Variants in ARHGAP6 observed in about 807,000 individuals in gnomAD.
ARHGAP6 encodes the protein rho GTPase-activating protein 6.
ARHGAP6 carries 16 observed loss-of-function variants against 55.7 expected under a neutral mutation model. That is an observed-to-expected ratio of 0.29 (90% CI 0.19 to 0.44). The LOEUF is 0.44. Among genes scored for constraint, ARHGAP6 ranks in the 20% least tolerant of loss-of-function variants. The pLI, the probability that ARHGAP6 is intolerant of heterozygous loss-of-function variation, is 1.00. For missense variants in ARHGAP6, 698 were observed against 808.9 expected (o/e 0.86, Z 1.66); for synonymous variants, 382 against 360.9 (o/e 1.06, Z -0.66).
At chrX:11,363,217 A>C (rs2049034243) in intron 1 of ARHGAP6, among the ~76,000 whole-genome samples, 1 of 111,935 alleles carries the variant, frequency 8.9e-6, no homozygotes, top group South Asian at 3.7e-4. Flanking sequence ...TAGAGTCAGC[A>C]CCCAGATGGT....
rs559722754 is a variant in ARHGAP6 at position 11,199,927 on chromosome X, C to T, written c.749-2931G>A. Among the ~76,000 whole-genome samples, 79 of 112,410 alleles carry T rather than the reference C, an allele frequency of 7.0e-4. No individual in the cohort carries two copies. In the South Asian group the frequency reaches 0.029, roughly 41 times the overall value. The stretch of plus-strand genomic sequence containing the variant: ...AGATGCACAATGCAACTGCTTATTC[C>T]TCTTCTCCTTTGTGATTAATCTGTG... On this transcript the variant is annotated intron_variant, in intron 2 of 12. Coordinates refer to ENST00000337414, the MANE Select transcript of ARHGAP6 (RefSeq NM_013427.3).
intron 2 of ARHGAP6, among the ~76,000 whole-genome samples, chrX:11,213,407 C>T (rs1349322570): frequency 1.8e-5 from 2 of 112,620 alleles, no homozygotes; most frequent in Non-Finnish European, 1.9e-5. Context: ...TGGGTATCTA[C>T]CCAAAGGAAA....
intron 1 of ARHGAP6, among the ~76,000 whole-genome samples, chrX:11,515,466 A>G (rs898504639): frequency 5.4e-5 from 6 of 111,277 alleles, no homozygotes; most frequent in African/African-American, 2.0e-4. Flanking sequence ...TATACATTAT[A>G]TACTTACTGG....
At chrX:11,218,814 T>C (rs1602892222) in intron 2 of ARHGAP6, among the ~76,000 whole-genome samples, 1 of 111,711 alleles carries the variant, frequency 9.0e-6, no homozygotes, top group East Asian at 2.8e-4. Flanking sequence ...TGATATCCCC[T>C]TGATCATTTT....
chrX:11,357,400 T>C (rs2048944819), intron 1 of ARHGAP6, among the ~76,000 whole-genome samples: 1 of 111,738 alleles, frequency 8.9e-6, no homozygotes, highest in South Asian at 3.8e-4. Flanking sequence ...TCCTGATTCA[T>C]GGAGATTCCT....
chrX:11,261,146 C>T (rs1443194967), intron 1 of ARHGAP6, among the ~76,000 whole-genome samples: 1 of 111,707 alleles, frequency 9.0e-6, no homozygotes, highest in Non-Finnish European at 1.9e-5. Flanking sequence ...ATTCTGGATT[C>T]GAATAAACCA....
chrX:11,635,530 C>T (rs1415747691), intron 1 of ARHGAP6, among the ~76,000 whole-genome samples: 1 of 111,353 alleles, frequency 9.0e-6, no homozygotes, highest in Non-Finnish European at 1.9e-5. Flanking sequence ...ATGATCCTTT[C>T]TATGATAAAG....
chrX:11,497,007 T>G (rs185061300), intron 1 of ARHGAP6, among the ~76,000 whole-genome samples: 1 of 111,859 alleles, frequency 8.9e-6, no homozygotes, highest in African/African-American at 3.2e-5. Context: ...TTTGAAATTC[T>G]GTTTATTTTC....
At chrX:11,368,845 C>T (rs1294048805) in intron 1 of ARHGAP6, among the ~76,000 whole-genome samples, 2 of 111,579 alleles carry the variant, frequency 1.8e-5, no homozygotes, top group African/African-American at 6.5e-5. Flanking sequence ...CTAATTGTCA[C>T]CCTTTTAAAT....
At chrX:11,509,338 G>A (rs1043685727) in intron 1 of ARHGAP6, among the ~76,000 whole-genome samples, 1 of 111,911 alleles carries the variant, frequency 8.9e-6, no homozygotes, top group Non-Finnish European at 1.9e-5. Context: ...GGATAGCTAG[G>A]GAGCTGAAAA....
At chrX:11,287,492 A>C (rs989426949) in intron 1 of ARHGAP6, among the ~76,000 whole-genome samples, 1 of 111,792 alleles carries the variant, frequency 8.9e-6, no homozygotes. Context: ...GAGCTTCCAG[A>C]CGAACTTTCT....
rs865851646 is a variant in ARHGAP6 at position 11,138,458 on chromosome X, A to T, written c.*405T>A. 4.1e-3 allele frequency: 555 copies of T among 136,674 alleles called. 1 individual carries two copies. The highest frequency in any genetic ancestry group is 0.015 in the African/African-American group (454 of 31,298). The allele number at this position is 136,674 out of a possible 1,213,427, so 11.3% of individuals were successfully genotyped here. ...ATATAAGTGAAGTGATTTTTTTTTT[A>T]AAAGTTCCTTTTGTTTTCTCTTTGT... is the stretch of plus-strand genomic sequence containing the variant. On this transcript the variant is annotated 3_prime_UTR_variant, in exon 13 of 13. Coordinates refer to ENST00000337414, the MANE Select transcript of ARHGAP6 (RefSeq NM_013427.3).
rs1210338848 is a variant in ARHGAP6, at chrX:11,387,989, T to C, written c.589-133282A>G. The stretch of plus-strand genomic sequence containing the variant: ...TTGGGTTGGTTCCAAGTCTTTGCTA[T>C]TGTGAATAGTGCTGCAATAAACATA... On this transcript the variant is annotated intron_variant, in intron 1 of 12. Coordinates refer to ENST00000337414, the MANE Select transcript of ARHGAP6 (RefSeq NM_013427.3). Among the ~76,000 whole-genome samples the C allele has an allele frequency of 2.7e-5, 3 of 112,189 alleles. No individual in the cohort carries two copies. The East Asian group carries it at 8.3e-4, about 31-fold the overall frequency.
At chrX:11,487,202 A>G (rs1322457344) in intron 1 of ARHGAP6, among the ~76,000 whole-genome samples, 1 of 112,439 alleles carries the variant, frequency 8.9e-6, no homozygotes, top group Non-Finnish European at 1.9e-5. Context: ...TAAATAGATA[A>G]ATACATAGAT....
In ARHGAP6 at chrX:11,665,656, G is replaced by T. The variant is rs1281314378; in HGVS notation, c.-828C>A. On this transcript the variant is annotated 5_prime_UTR_variant, in exon 1 of 13. Coordinates refer to ENST00000337414, the MANE Select transcript of ARHGAP6 (RefSeq NM_013427.3). ...GCTCAGGAGACAGCCCCAAGGCCGG[G>T]TGTGTGTGTTCCGCCGGAGAGGAAC... is the stretch of plus-strand genomic sequence containing the variant. 1 of 113,095 alleles carries T rather than the reference G, an allele frequency of 8.8e-6. No homozygotes were observed. The highest frequency in any genetic ancestry group is 3.2e-5 in the African/African-American group (1 of 31,183). The allele number at this position is 113,095 out of a possible 1,213,427, so 9.3% of individuals were successfully genotyped here.
intron 1 of ARHGAP6, among the ~76,000 whole-genome samples, chrX:11,433,281 G>A (rs1365762825): frequency 8.9e-6 from 1 of 112,158 alleles, no homozygotes; most frequent in Non-Finnish European, 1.9e-5. Context: ...GAGAATTCAG[G>A]GAAAGAAAAC....
chrX:11,411,887 C>A (rs1461215874), intron 1 of ARHGAP6, among the ~76,000 whole-genome samples: 1 of 111,260 alleles, frequency 9.0e-6, no homozygotes, highest in Admixed American at 9.6e-5. Context: ...ACCATCACCA[C>A]AATCCAATTT....
chrX:11,192,349 C>T (rs1312254812), intron 3 of ARHGAP6, among the ~76,000 whole-genome samples: 2 of 111,422 alleles, frequency 1.8e-5, no homozygotes, highest in African/African-American at 6.5e-5. Flanking sequence ...TCACTCCCAC[C>T]CTAGCCTAAG....
intron 1 of ARHGAP6, among the ~76,000 whole-genome samples, chrX:11,344,678 C>CAAAAAAAAAAAAAAAAAAAAAAAAAA (rs34123570): frequency 7.1e-5 from 2 of 28,271 alleles, no homozygotes; most frequent in African/African-American, 1.5e-4. Context: ...AACTCCATCA[C>CAAAAAAAAAAAAAAAAAAAAAAAAAA]AAAAAAAAAA....
Sources: gnomAD v4.1 joint callset for allele counts (sites outside exome capture counted in the v4.1 genomes callset) on GRCh38, gnomAD v4.1.1 for gene constraint, MANE v1.5 for transcripts, NCBI Gene and HGNC (gene_info 2026-07-23, HGNC 2026-07-21) for gene names.